Variants in IL1R1 observed in about 807,000 individuals in gnomAD.
IL1R1 encodes interleukin-1 receptor type 1.
In IL1R1, 22 loss-of-function variants were observed where a neutral mutation model predicts 50.2. That is an observed-to-expected ratio of 0.44 (90% CI 0.31 to 0.63). The LOEUF is 0.63. IL1R1 is among the 20% of genes least tolerant of loss of function. The pLI is 0.07. For missense variants in IL1R1, 509 were observed against 676.2 expected (o/e 0.75, Z 2.74); for synonymous variants, 251 against 236.7 (o/e 1.06, Z -0.55).
intron 1 of IL1R1, among the ~76,000 whole-genome samples, chr2:102,113,706 G>A (rs1236212938): frequency 6.6e-6 from 1 of 152,114 alleles, no homozygotes; most frequent in Non-Finnish European, 1.5e-5. Flanking sequence ...AATGACGCTC[G>A]GCCTCCTTGC....
In IL1R1 at chr2:102,179,559, A is replaced by G. The variant is rs936934463; in HGVS notation, c.*2800A>G. 1.3e-5 allele frequency: 2 copies of G among 152,760 alleles called. No homozygotes were observed. The highest frequency in any genetic ancestry group is 4.8e-5 in the African/African-American group (2 of 41,438). The allele number at this position is 152,760 out of a possible 1,614,324, so 9.5% of individuals were successfully genotyped here. ...ATGGCATTTTTTTAAAGATGCCCTA[A>G]GTGTTGAAGAAGAGTTTGCAAATGC... On this transcript the variant is annotated 3_prime_UTR_variant, in exon 12 of 12. Transcript: ENST00000410023.
chr2:102,125,912 T>C (rs1260889998), intron 1 of IL1R1, among the ~76,000 whole-genome samples: 11 of 152,142 alleles, frequency 7.2e-5, no homozygotes. Flanking sequence ...CACAAACCAT[T>C]GACGAGGAGT....
intron 1 of IL1R1, among the ~76,000 whole-genome samples, chr2:102,144,063 G>A (rs1185018704): frequency 6.6e-6 from 1 of 152,182 alleles, no homozygotes; most frequent in African/African-American, 2.4e-5. Context: ...AGGTGGCATG[G>A]GGACGTTCAC....
In IL1R1 at chr2:102,093,651, G is replaced by A. The variant is rs143567855; in HGVS notation, c.-84+23118G>A. Among the ~76,000 whole-genome samples, 827 of 152,306 alleles carry A rather than the reference G, an allele frequency of 5.4e-3. 8 individuals carry two copies. The highest frequency in any genetic ancestry group is 0.019 in the African/African-American group (788 of 41,570). On this transcript the variant is annotated intron_variant, in intron 1 of 11. Transcript: ENST00000409929. ...ATCCATATATATCTTCCTTGGTGAA[G>A]GATCTGTTTATATTTCTTGCCCATT... is the stretch of plus-strand genomic sequence containing the variant.
At chr2:102,079,033 T>C (rs1001570394) in intron 1 of IL1R1, among the ~76,000 whole-genome samples, 2 of 152,088 alleles carry the variant, frequency 1.3e-5, no homozygotes, top group African/African-American at 4.8e-5. Context: ...TGATAAAATC[T>C]GACACCCTTT....
chr2:102,093,503 G>A (rs1057077906), intron 1 of IL1R1, among the ~76,000 whole-genome samples: 3 of 152,138 alleles, frequency 2.0e-5, no homozygotes, highest in Non-Finnish European at 2.9e-5. Context: ...CCTTGCACTT[G>A]GAATGGTTCA....
intron 1 of IL1R1, among the ~76,000 whole-genome samples, chr2:102,148,751 G>C (rs1000261322): frequency 6.6e-6 from 1 of 152,216 alleles, no homozygotes; most frequent in Non-Finnish European, 1.5e-5. Flanking sequence ...TTCCATAAGT[G>C]TGTGGTTCTA....
chr2:102,173,622 T>C (rs990409478), intron 9 of IL1R1, among the ~76,000 whole-genome samples: 1 of 152,192 alleles, frequency 6.6e-6, no homozygotes, highest in Non-Finnish European at 1.5e-5. Context: ...GGATATACAA[T>C]GTTCATAGAT....
upstream of IL1R1, chr2:102,141,911 A>G (rs1682673667): frequency 6.6e-6 from 1 of 152,244 alleles, no homozygotes; most frequent in African/African-American, 2.4e-5. Flanking sequence ...CCCTGCAAGG[A>G]GCCCAAGGTG....
intron 1 of IL1R1, among the ~76,000 whole-genome samples, chr2:102,149,890 A>G (rs1683501800): frequency 1.3e-5 from 2 of 152,142 alleles, no homozygotes; most frequent in Non-Finnish European, 2.9e-5. Context: ...AGGACAGCGC[A>G]GCCTATGTTT....
chr2:102,132,119 T>C (rs1276786326), intron 1 of IL1R1, among the ~76,000 whole-genome samples: 3 of 151,548 alleles, frequency 2.0e-5, no homozygotes, highest in Admixed American at 6.6e-5. Context: ...AAAGACACAA[T>C]AAAGCCATTT....
intron 3 of IL1R1, among the ~76,000 whole-genome samples, chr2:102,161,362 T>A (rs775679336): frequency 4.6e-5 from 7 of 152,178 alleles, no homozygotes; most frequent in Non-Finnish European, 1.0e-4. Context: ...TATGGAAAAT[T>A]TGCTAAGTTT....
intron 1 of IL1R1, among the ~76,000 whole-genome samples, chr2:102,079,741 G>C (rs1679126393): frequency 6.6e-6 from 1 of 152,006 alleles, no homozygotes; most frequent in Non-Finnish European, 1.5e-5. Flanking sequence ...TTGAGAAACT[G>C]CTCATAAAAT....
chr2:102,145,841 C>T (rs1383132085), intron 1 of IL1R1, among the ~76,000 whole-genome samples: 2 of 152,114 alleles, frequency 1.3e-5, no homozygotes, highest in Admixed American at 6.6e-5. Context: ...GTGCTGGGCA[C>T]GGGTATTTTC....
upstream of IL1R1, among the ~76,000 whole-genome samples, chr2:102,140,180 A>G (rs1237730773): frequency 6.6e-6 from 1 of 152,248 alleles, no homozygotes; most frequent in Non-Finnish European, 1.5e-5. Context: ...TTCAAGGAAA[A>G]AAAACATAAA....
intron 3 of IL1R1, among the ~76,000 whole-genome samples, chr2:102,162,648 A>G (rs1684833323): frequency 2.0e-5 from 3 of 152,024 alleles, no homozygotes; most frequent in Non-Finnish European, 4.4e-5. Flanking sequence ...AGGTAACACT[A>G]TACAGTTTCA....
chr2:102,112,311 C>CGTGTGTGT (rs146015817), intron 1 of IL1R1, among the ~76,000 whole-genome samples: 35 of 148,024 alleles, frequency 2.4e-4, no homozygotes, highest in East Asian at 2.2e-3. Flanking sequence ...TGGGGATTAA[C>CGTGTGTGT]GTGTGTGTGT....
intron 3 of IL1R1, among the ~76,000 whole-genome samples, chr2:102,159,832 T>G (rs896842591): frequency 2.6e-5 from 4 of 152,210 alleles, no homozygotes; most frequent in Non-Finnish European, 2.9e-5. Context: ...GCAAAGCTCT[T>G]GATATTCATG....
In IL1R1 at chr2:102,174,597, C is replaced by A. The variant is rs2104641670; in HGVS notation, c.1002C>A (p.Phe334Leu). The change falls in exon 10 of 12, where the codon TTC becomes TTA. Residue 334 changes from phenylalanine (F) to leucine (L), a missense_variant. Physicochemically the swap from Phe to Leu is conservative, Grantham distance 22. Transcript: ENST00000410023. ...YIQLIYPVTN[F>L]QKHMIGICVT... ...TTCTTTTTGCTATAGTCACTAATTTCCAGAAGCACATGATTGGTATATGTG... is the reference window on the plus strand; with the variant it reads ...TTCTTTTTGCTATAGTCACTAATTTACAGAAGCACATGATTGGTATATGTG... 1.9e-6 allele frequency: 3 copies of A among 1,562,280 alleles called. No homozygotes were observed. The East Asian group carries it at 7.0e-5, about 37-fold the overall frequency.
Sources: gnomAD v4.1 joint callset for allele counts (sites outside exome capture counted in the v4.1 genomes callset) on GRCh38, gnomAD v4.1.1 for gene constraint, MANE v1.5 for transcripts, NCBI Gene and HGNC (gene_info 2026-07-23, HGNC 2026-07-21) for gene names.